Variants in NTRK3 observed in about 807,000 individuals in gnomAD.
NTRK3 encodes the protein neurotrophic receptor tyrosine kinase 3.
NTRK3 carries 24 observed loss-of-function variants against 91.7 expected under a neutral mutation model. That is an observed-to-expected ratio of 0.26 (90% CI 0.19 to 0.37). The LOEUF (loss-of-function observed/expected upper bound fraction) is 0.37. Ranked by LOEUF, NTRK3 falls within the 10% of genes least tolerant of loss-of-function variation. The probability of loss-of-function intolerance (pLI) is 1.00; values close to 1 mark genes in which losing one functional copy is unlikely to be tolerated. For missense variants in NTRK3, 880 were observed against 1,068.9 expected (o/e 0.82, Z 2.46); for synonymous variants, 483 against 404.0 (o/e 1.20, Z -2.34).
intron 5 of NTRK3, among the ~76,000 whole-genome samples, chr15:88,166,602 G>A (rs1364762409): frequency 6.6e-6 from 1 of 152,106 alleles, no homozygotes; most frequent in Non-Finnish European, 1.5e-5. Context: ...AGTTGAGTAA[G>A]CAAAAATGGT....
chr15:87,876,215 G>A (rs2064943731), exon 19 of NTRK3: 2 of 233,218 alleles, frequency 8.6e-6, no homozygotes, highest in South Asian at 1.8e-4. Context: ...TCATGGTTTT[G>A]TGTTGTGGGG....
At chr15:87,918,318 C>A (rs1233704285) in intron 17 of NTRK3, among the ~76,000 whole-genome samples, 1 of 152,228 alleles carries the variant, frequency 6.6e-6, no homozygotes. Context: ...TGTCCATTGA[C>A]TACCTAAGCC....
intron 5 of NTRK3, among the ~76,000 whole-genome samples, chr15:88,162,068 T>C (rs1317448861): frequency 6.6e-6 from 1 of 152,152 alleles, no homozygotes; most frequent in Non-Finnish European, 1.5e-5. Flanking sequence ...AAACCAGCAA[T>C]GCCTGGGACT....
intron 14 of NTRK3, among the ~76,000 whole-genome samples, chr15:87,992,658 C>T (rs1334148576): frequency 6.6e-6 from 1 of 152,238 alleles, no homozygotes; most frequent in African/African-American, 2.4e-5. Context: ...ACCTTCTCAG[C>T]ATCCCTATGA....
At chr15:87,960,554 G>A (rs540289202) in intron 14 of NTRK3, among the ~76,000 whole-genome samples, 9 of 151,544 alleles carry the variant, frequency 5.9e-5, no homozygotes, top group African/African-American at 2.2e-4. Flanking sequence ...GTGCCATCTC[G>A]GCTCACAGCA....
intron 14 of NTRK3, chr15:87,978,554 T>G (rs911530624): frequency 4.4e-6 from 1 of 229,074 alleles, no homozygotes; most frequent in African/African-American, 2.2e-5. Flanking sequence ...GGGTAAAACC[T>G]CCTGCAGCCA....
At chr15:88,220,580 G>A (rs893681930) in intron 3 of NTRK3, among the ~76,000 whole-genome samples, 1 of 152,232 alleles carries the variant, frequency 6.6e-6, no homozygotes, top group South Asian at 2.1e-4. Flanking sequence ...ATGGGTCAGA[G>A]ATGAGAAGAG....
chr15:87,965,513 C>A (rs2072706944), intron 14 of NTRK3, among the ~76,000 whole-genome samples: 1 of 152,070 alleles, frequency 6.6e-6, no homozygotes, highest in African/African-American at 2.4e-5. Flanking sequence ...TCTATGGCAA[C>A]TGGGTGGGCC....
chr15:88,101,721 C>T (rs1343286309), intron 13 of NTRK3, among the ~76,000 whole-genome samples: 1 of 152,168 alleles, frequency 6.6e-6, no homozygotes, highest in Admixed American at 6.5e-5. Context: ...TTTGTAGGAA[C>T]ATGGATGAAA....
At chr15:87,889,328 A>G (rs2065724994) in intron 17 of NTRK3, among the ~76,000 whole-genome samples, 1 of 151,216 alleles carries the variant, frequency 6.6e-6, no homozygotes, top group Non-Finnish European at 1.5e-5. Context: ...AACAAATTAT[A>G]GCTTGTCATT....
At chr15:87,908,133 C>G in intron 17 of NTRK3, among the ~76,000 whole-genome samples, 1 of 152,188 alleles carries the variant, frequency 6.6e-6, no homozygotes, top group East Asian at 1.9e-4. Flanking sequence ...AGAAAGCAGC[C>G]AAACCACTCG....
chr15:87,929,541 A>C (rs1408608950), intron 16 of NTRK3, 107 bp from the exon 17 acceptor site: 8 of 1,401,114 alleles, frequency 5.7e-6, no homozygotes, highest in Admixed American at 2.5e-5. Flanking sequence ...AAATAAATAA[A>C]ATTTCCCTTT....
At chr15:87,864,065 T>G (rs1305373716) in exon 19 of NTRK3, 1 of 231,300 alleles carries the variant, frequency 4.3e-6, no homozygotes, top group Non-Finnish European at 8.5e-6. Context: ...ACATGAATCT[T>G]CCCCCAACAG....
chr15:88,012,802 A>C (rs1275222877), intron 14 of NTRK3, among the ~76,000 whole-genome samples: 1 of 152,256 alleles, frequency 6.6e-6, no homozygotes, highest in Non-Finnish European at 1.5e-5. Context: ...TTTGATGTGC[A>C]TCGGAATCAC....
At chr15:87,994,770 T>A (rs1374695059) in intron 14 of NTRK3, among the ~76,000 whole-genome samples, 1 of 152,028 alleles carries the variant, frequency 6.6e-6, no homozygotes, top group Non-Finnish European at 1.5e-5. Context: ...GTAAGGGAGA[T>A]TAGGAACACG....
At chr15:88,072,427 A>C (rs2047172406) in intron 13 of NTRK3, 1 of 224,270 alleles carries the variant, frequency 4.5e-6, no homozygotes, top group South Asian at 1.8e-4. Flanking sequence ...AAGACACTGA[A>C]AGGCAACTAG....
intron 5 of NTRK3, among the ~76,000 whole-genome samples, chr15:88,160,480 G>A (rs902622915): frequency 3.9e-5 from 6 of 152,318 alleles, no homozygotes; most frequent in Non-Finnish European, 7.4e-5. Flanking sequence ...AGTGGCCAGC[G>A]CAGAAGAGTG....
chr15:88,012,802 A>G (rs1275222877), intron 14 of NTRK3, among the ~76,000 whole-genome samples: 2 of 152,256 alleles, frequency 1.3e-5, no homozygotes, highest in Non-Finnish European at 2.9e-5. Flanking sequence ...TTTGATGTGC[A>G]TCGGAATCAC....
At chr15:87,912,386 T>C (rs1299291025) in intron 17 of NTRK3, among the ~76,000 whole-genome samples, 1 of 152,170 alleles carries the variant, frequency 6.6e-6, no homozygotes, top group Non-Finnish European at 1.5e-5. Flanking sequence ...AAACCTAACT[T>C]AACCAGAACA....
Sources: allele counts gnomAD v4.1 joint callset (sites outside exome capture counted in the v4.1 genomes callset), GRCh38; gene constraint gnomAD v4.1.1; transcripts MANE v1.5; gene names NCBI Gene and HGNC (gene_info 2026-07-23, HGNC 2026-07-21).